KPNA7: variants seen among roughly 807,000 people sequenced by gnomAD.
The protein encoded by KPNA7 is importin subunit alpha-8.
Under a neutral mutation model 53.7 loss-of-function variants are expected in KPNA7, and 54 were observed. The observed-to-expected ratio is 1.01, with a 90% CI of 0.81 to 1.26. KPNA7 has a LOEUF of 1.26. Ranked by LOEUF, KPNA7 falls within the 50% of genes most tolerant of loss-of-function variation. KPNA7 has a pLI of 0.00. For synonymous variants in KPNA7, 276 were observed against 259.3 expected (o/e 1.06, Z -0.62); for missense variants, 640 against 644.5 (o/e 0.99, Z 0.07).
the KPNA7 span, among the ~76,000 whole-genome samples, chr7:99,155,643 C>T: frequency 1.6e-4 from 24 of 152,050 alleles, no homozygotes; most frequent in African/African-American, 5.3e-4. Flanking sequence ...TCACTGCAGC[C>T]TCAAATTCCT....
intron 7 of KPNA7, among the ~76,000 whole-genome samples, chr7:99,186,181 G>T (rs1011370772): frequency 1.2e-4 from 19 of 152,172 alleles, no homozygotes; most frequent in African/African-American, 4.3e-4. Flanking sequence ...AGATCTCAAT[G>T]CCATTTCCTG....
At chr7:99,180,689 CTGTG>C (rs199581774) in intron 9 of KPNA7, among the ~76,000 whole-genome samples, 1 of 76,520 alleles carries the variant, frequency 1.3e-5, no homozygotes, top group East Asian at 5.6e-4. Context: ...CTCTCCCCGT[CTGTG>C]TCTCTGTCTG....
At chr7:99,155,486 G>A in the KPNA7 span, among the ~76,000 whole-genome samples, 3 of 152,090 alleles carry the variant, frequency 2.0e-5, no homozygotes, top group African/African-American at 7.2e-5. Flanking sequence ...TGGACCTGGA[G>A]TTTTCTTACA....
upstream of KPNA7, among the ~76,000 whole-genome samples, chr7:99,208,702 C>T (rs1159484298): frequency 6.6e-6 from 1 of 152,168 alleles, no homozygotes; most frequent in East Asian, 1.9e-4. Flanking sequence ...CTGAAGTCAG[C>T]TTCTATAAGC....
upstream of KPNA7, among the ~76,000 whole-genome samples, chr7:99,212,267 A>C (rs1196374538): frequency 9.3e-6 from 1 of 107,196 alleles, no homozygotes; most frequent in Admixed American, 1.2e-4. Context: ...TTTTTGAGAC[A>C]GAGTTTCATT....
chr7:99,192,893 TAGG>T (rs1790027619), intron 6 of KPNA7, 123 bp downstream of exon 6: 5 of 602,762 alleles, frequency 8.3e-6, no homozygotes, highest in Admixed American at 6.7e-5. Context: ...CTTTGAGAGG[TAGG>T]AGGATTGCTT....
intron 3 of KPNA7, among the ~76,000 whole-genome samples, chr7:99,196,587 G>T (rs1187194006): frequency 6.6e-6 from 1 of 152,184 alleles, no homozygotes; most frequent in East Asian, 1.9e-4. Context: ...GCCAGGAAGT[G>T]TTTATCCAAG....
At chr7:99,180,680 TCTCCCC>T (rs1799151343) in intron 9 of KPNA7, among the ~76,000 whole-genome samples, 2 of 146,812 alleles carry the variant, frequency 1.4e-5, no homozygotes, top group East Asian at 2.1e-4. Context: ...TGTGTGTCTC[TCTCCCC>T]GTCTGTGTCT....
At chr7:99,212,674 T>C (rs1791107117), upstream of KPNA7, among the ~76,000 whole-genome samples, 1 of 151,690 alleles carries the variant, frequency 6.6e-6, no homozygotes, top group South Asian at 2.1e-4. Context: ...GGCAGAAGCT[T>C]GAGGCAGGAG....
At chr7:99,210,657 T>C (rs1791043645), upstream of KPNA7, among the ~76,000 whole-genome samples, 1 of 152,084 alleles carries the variant, frequency 6.6e-6, no homozygotes, top group Non-Finnish European at 1.5e-5. Context: ...AGTGTAATCA[T>C]GGCTTACTGC....
chr7:99,197,563 C>T (rs1584301866), intron 3 of KPNA7, among the ~76,000 whole-genome samples: 1 of 152,098 alleles, frequency 6.6e-6, no homozygotes, highest in African/African-American at 2.4e-5. Context: ...AGAACTAAAC[C>T]ATGACTAAAG....
At chr7:99,209,481 C>T (rs190339271), upstream of KPNA7, among the ~76,000 whole-genome samples, 393 of 151,980 alleles carry the variant, frequency 2.6e-3, 4 homozygotes, top group Non-Finnish European at 2.9e-3. Flanking sequence ...GTCAGGAGTT[C>T]GAGACCAGCC....
chr7:99,204,145 C>T (rs1339644948), intron 2 of KPNA7, among the ~76,000 whole-genome samples: 6 of 152,024 alleles, frequency 3.9e-5, no homozygotes, highest in African/African-American at 1.2e-4. Flanking sequence ...TTTGGGAGGT[C>T]AAGGTGGGAG....
At chr7:99,187,799 TAAAAAAAAAAAAAAAAAAAAA>T (rs55867906) in intron 7 of KPNA7, among the ~76,000 whole-genome samples, 11 of 65,104 alleles carry the variant, frequency 1.7e-4, no homozygotes, top group East Asian at 9.0e-4. Flanking sequence ...CCTTTTTTTT[TAAAAAAAAAAAAAAAAAAAAA>T]AAAAAAAAAA....
At chr7:99,176,290 T>C (rs1798897783) in intron 10 of KPNA7, among the ~76,000 whole-genome samples, 1 of 95,494 alleles carries the variant, frequency 1.0e-5, no homozygotes, top group Non-Finnish European at 1.9e-5. Flanking sequence ...TGAGCGAGAC[T>C]ACGTCTCAAA....
At chr7:99,154,433 T>C in the KPNA7 span, among the ~76,000 whole-genome samples, 1 of 152,022 alleles carries the variant, frequency 6.6e-6, no homozygotes, top group African/African-American at 2.4e-5. Context: ...CTGGCAAAAA[T>C]GCTTTTTTAT....
At chr7:99,213,272 T>TGG (rs1345884234) in intron 1 of KPNA7, among the ~76,000 whole-genome samples, 2 of 150,356 alleles carry the variant, frequency 1.3e-5, no homozygotes, top group East Asian at 4.0e-4. Flanking sequence ...AACTAAAGGC[T>TGG]CACACCACCA....
At chr7:99,219,407 G>A (rs754085845) in intron 1 of KPNA7, among the ~76,000 whole-genome samples, 7 of 152,106 alleles carry the variant, frequency 4.6e-5, no homozygotes, top group South Asian at 2.1e-4. Flanking sequence ...ATTAATTAGC[G>A]TTTACTCCCA....
the KPNA7 span, among the ~76,000 whole-genome samples, chr7:99,157,037 A>C: frequency 6.6e-6 from 1 of 151,830 alleles, no homozygotes; most frequent in Non-Finnish European, 1.5e-5. Flanking sequence ...TTGTTCTGGT[A>C]ATCATTTAAT....
Sources: allele counts gnomAD v4.1 joint callset (sites outside exome capture counted in the v4.1 genomes callset), GRCh38; gene constraint gnomAD v4.1.1; transcripts MANE v1.5; gene names NCBI Gene and HGNC (gene_info 2026-07-23, HGNC 2026-07-21).